DAB1: variants seen among roughly 807,000 people sequenced by gnomAD.
DAB1 encodes the protein disabled homolog 1.
A neutral mutation model predicts 64.6 loss-of-function variants in DAB1; 15 were observed. That is an observed-to-expected ratio of 0.23 (90% CI 0.16 to 0.36). The LOEUF (loss-of-function observed/expected upper bound fraction) is 0.36, where lower values mean the gene tolerates loss of function less well. Ranked by LOEUF, DAB1 falls within the 10% of genes least tolerant of loss-of-function variation. The pLI, the probability that DAB1 is intolerant of heterozygous loss-of-function variation, is 1.00. For synonymous variants in DAB1, 235 were observed against 251.9 expected, an observed-to-expected ratio of 0.93 and a Z score of 0.64; for missense variants, 596 against 706.7, an observed-to-expected ratio of 0.84 and a Z score of 1.78.
At chr1:57,057,607 TC>T (rs1649906214) in intron 9 of DAB1, among the ~76,000 whole-genome samples, 1 of 131,130 alleles carries the variant, frequency 7.6e-6, no homozygotes, top group South Asian at 2.3e-4. Flanking sequence ...CTACACTGAT[TC>T]TTTTTTTTTT....
chr1:57,250,099 G>T (rs1669208013), intron 2 of DAB1, among the ~76,000 whole-genome samples: 1 of 152,092 alleles, frequency 6.6e-6, no homozygotes, highest in Admixed American at 6.5e-5. Flanking sequence ...CTGCAGAGGA[G>T]GAAATCAAAT....
At chr1:57,402,565 C>A (rs1683332568) in intron 1 of DAB1, among the ~76,000 whole-genome samples, 1 of 152,180 alleles carries the variant, frequency 6.6e-6, no homozygotes, top group Non-Finnish European at 1.5e-5. Flanking sequence ...CCTAGATTAT[C>A]TGGAGTCTGA....
chr1:57,487,640 G>T (rs926111558), intron 7 of DAB1, among the ~76,000 whole-genome samples: 2 of 152,172 alleles, frequency 1.3e-5, no homozygotes, highest in African/African-American at 2.4e-5. Flanking sequence ...ACAGTATTCA[G>T]TACAGTAACA....
At chr1:57,536,826 T>G (rs986494563) in intron 7 of DAB1, among the ~76,000 whole-genome samples, 11 of 151,368 alleles carry the variant, frequency 7.3e-5, no homozygotes, top group African/African-American at 2.7e-4. Context: ...TATCCCTCCA[T>G]GCTTCTGTTC....
intron 3 of DAB1, among the ~76,000 whole-genome samples, chr1:58,475,477 A>AACACACACAC (rs112408529): frequency 1.6e-4 from 24 of 148,134 alleles, no homozygotes; most frequent in Admixed American, 6.1e-4. Context: ...AGGTTAATTA[A>AACACACACAC]ACACACACAC....
intron 2 of DAB1, among the ~76,000 whole-genome samples, chr1:57,159,934 T>A (rs1164340274): frequency 6.7e-6 from 1 of 149,878 alleles, no homozygotes; most frequent in Non-Finnish European, 1.5e-5. Flanking sequence ...AGTTGCTGAG[T>A]CTTTCTGACG....
chr1:58,478,469 A>T (rs1645441633), intron 3 of DAB1, among the ~76,000 whole-genome samples: 1 of 152,080 alleles, frequency 6.6e-6, no homozygotes. Context: ...TAAGTATATC[A>T]TTTCACTTGG....
At chr1:57,295,251 C>T (rs757465887) in intron 1 of DAB1, among the ~76,000 whole-genome samples, 33 of 152,124 alleles carry the variant, frequency 2.2e-4, no homozygotes, top group Non-Finnish European at 4.9e-4. Flanking sequence ...AACAAAACCC[C>T]TCCCAACCTG....
intron 4 of DAB1, among the ~76,000 whole-genome samples, chr1:58,321,707 G>T (rs1433499041): frequency 2.0e-5 from 3 of 152,272 alleles, no homozygotes; most frequent in African/African-American, 7.2e-5. Flanking sequence ...CCTGGCCCAG[G>T]GAGGGGCATC....
chr1:58,109,809 T>C (rs771200825), intron 5 of DAB1, among the ~76,000 whole-genome samples: 1 of 151,268 alleles, frequency 6.6e-6, no homozygotes. Context: ...AAAGAGCAGC[T>C]GCCTACTAGA....
At chr1:57,103,791 C>T (rs1654895764) in intron 4 of DAB1, among the ~76,000 whole-genome samples, 1 of 152,144 alleles carries the variant, frequency 6.6e-6, no homozygotes, top group South Asian at 2.1e-4. Context: ...TGGCTTGGTT[C>T]TGCAGAGTGG....
chr1:57,735,609 GTT>G (rs59456674), intron 6 of DAB1, among the ~76,000 whole-genome samples: 31,689 of 94,506 alleles, frequency 0.34, 3,101 homozygotes, highest in African/African-American at 0.37. Flanking sequence ...CTGTTTGCTT[GTT>G]TTTTTTTTTT....
chr1:57,707,501 T>C (rs1646982665), intron 6 of DAB1, among the ~76,000 whole-genome samples: 1 of 152,126 alleles, frequency 6.6e-6, no homozygotes, highest in Non-Finnish European at 1.5e-5. Flanking sequence ...GTACATGTTT[T>C]TGTGAATCGA....
chr1:57,136,320 GA>G (rs1658083352), intron 4 of DAB1, among the ~76,000 whole-genome samples: 1 of 152,156 alleles, frequency 6.6e-6, no homozygotes, highest in Non-Finnish European at 1.5e-5. Context: ...AGGATAGTGT[GA>G]CACTTTTATC....
rs539075651 is a variant in DAB1 at position 57,127,542 on chromosome 1, C to T, written c.306+9001G>A. Among the ~76,000 whole-genome samples the T allele has an allele frequency of 5.1e-4, 77 of 151,876 alleles. 1 individual carries two copies. Among genetic ancestry groups the T allele is most frequent in the African/African-American group, 1.6e-3 (67 of 41,420 alleles). ...TGTATGTCTATTTTTTCTTTTTTGTCTCTCCACCTTAGAATGTAAACTCCA... is the reference window on the plus strand; with the variant it reads ...TGTATGTCTATTTTTTCTTTTTTGTTTCTCCACCTTAGAATGTAAACTCCA... On this transcript the variant is annotated intron_variant, in intron 4 of 14. Coordinates refer to ENST00000371236, the MANE Select transcript of DAB1 (RefSeq NM_001365792.1).
chr1:57,804,054 A>C (rs1295958397), intron 6 of DAB1, among the ~76,000 whole-genome samples: 2 of 152,210 alleles, frequency 1.3e-5, no homozygotes, highest in South Asian at 2.1e-4. Flanking sequence ...TCTAATAAAA[A>C]TTCCGGTTAC....
At chr1:57,274,827 C>T (rs1333055436) in intron 2 of DAB1, among the ~76,000 whole-genome samples, 4 of 151,970 alleles carry the variant, frequency 2.6e-5, no homozygotes, top group Non-Finnish European at 5.9e-5. Context: ...GGTGATCTGC[C>T]CGCCTTGGCC....
intron 4 of DAB1, among the ~76,000 whole-genome samples, chr1:57,118,682 GTTTT>G (rs1010546456): frequency 6.6e-6 from 1 of 152,098 alleles, no homozygotes; most frequent in South Asian, 2.1e-4. Context: ...TCTATGACTG[GTTTT>G]TTTATTTGTA....
chr1:57,873,608 A>G (rs914680818), intron 1 of DAB1, among the ~76,000 whole-genome samples: 2 of 152,188 alleles, frequency 1.3e-5, no homozygotes, highest in Non-Finnish European at 2.9e-5. Flanking sequence ...ACAGAAAACA[A>G]TCTCGCTGCC....
Sources: allele counts gnomAD v4.1 joint callset (sites outside exome capture counted in the v4.1 genomes callset), GRCh38; gene constraint gnomAD v4.1.1; transcripts MANE v1.5; gene names NCBI Gene and HGNC (gene_info 2026-07-23, HGNC 2026-07-21).